The following GFRA2 variants were observed in gnomAD, a reference collection of about 807,000 sequenced individuals.
The protein encoded by GFRA2 is GDNF family receptor alpha-2.
In GFRA2, 17 loss-of-function variants were observed where a neutral mutation model predicts 48.3. The observed-to-expected ratio is 0.35, with a 90% CI of 0.24 to 0.53. The LOEUF is 0.53. Among genes scored for constraint, GFRA2 ranks in the 20% least tolerant of loss-of-function variants. GFRA2 has a pLI of 0.93. For synonymous variants in GFRA2, 305 were observed against 257.2 expected, an observed-to-expected ratio of 1.19 and a Z score of -1.78; for missense variants, 660 against 637.3, an observed-to-expected ratio of 1.04 and a Z score of -0.38.
intron 2 of GFRA2, among the ~76,000 whole-genome samples, chr8:21,777,158 G>C (rs902496613): frequency 3.9e-5 from 6 of 152,302 alleles, no homozygotes; most frequent in Admixed American, 3.3e-4. Context: ...GCTAACAAGC[G>C]ACAGAGCCAG....
At position 21,693,194 on chromosome 8, in the gene GFRA2, T is replaced by C. The variant is rs1019053253; in HGVS notation, c.*84A>G. On this transcript the variant is annotated 3_prime_UTR_variant, in exon 9 of 9. Coordinates refer to ENST00000524240, the MANE Select transcript of GFRA2 (RefSeq NM_001495.5). ...CAATTTTTTTTTTGCAAGGTGTGTG[T>C]GTGTCTGTGTGTGTTTCCATTTCGT... 1.5e-6 allele frequency: 2 copies of C among 1,378,146 alleles called. No individual in the cohort carries two copies. The highest frequency in any genetic ancestry group is 2.9e-5 in the African/African-American group (2 of 68,680). 85.4% of individuals were successfully genotyped at this position (1,378,146 alleles called of 1,614,324 possible).
At chr8:21,773,068 T>C (rs1806513863) in intron 3 of GFRA2, among the ~76,000 whole-genome samples, 1 of 152,240 alleles carries the variant, frequency 6.6e-6, no homozygotes, top group Non-Finnish European at 1.5e-5. Context: ...AACCTGCTTC[T>C]GAGCCCCAGA....
rs957816369 is a variant in GFRA2, at chr8:21,693,045, T to C, written c.*233A>G. 4 of 368,798 alleles carry C rather than the reference T, an allele frequency of 1.1e-5. No homozygotes were observed. Among genetic ancestry groups the C allele is most frequent in the Non-Finnish European group, 2.0e-5 (4 of 204,224 alleles). The allele number at this position is 368,798 out of a possible 1,614,324, so 22.8% of individuals were successfully genotyped here. A position where few individuals can be genotyped will look rare whatever the true frequency, so the allele number is the denominator to read the frequency against. ...TCGTGCCCTCCCCGGCACCAGAGTT[T>C]CCCCTGCCAGGGGACCCCTGGGCCA... On this transcript the variant is annotated 3_prime_UTR_variant, in exon 9 of 9. Transcript: ENST00000524240.
At chr8:21,803,106 C>G (rs1807800235) in intron 2 of GFRA2, among the ~76,000 whole-genome samples, 1 of 152,220 alleles carries the variant, frequency 6.6e-6, no homozygotes, top group African/African-American at 2.4e-5. Flanking sequence ...ATTCCTCATG[C>G]AACATGTTCA....
At chr8:21,754,117 G>A (rs1448080985) in intron 3 of GFRA2, among the ~76,000 whole-genome samples, 4 of 152,126 alleles carry the variant, frequency 2.6e-5, no homozygotes, top group East Asian at 1.9e-4. Context: ...CCCCTACTCC[G>A]ACCTATTTTT....
At chr8:21,774,913 T>C (rs1806620657) in intron 3 of GFRA2, 59 bp downstream of exon 3, 2 of 924,528 alleles carry the variant, frequency 2.2e-6, no homozygotes, top group Admixed American at 3.5e-5. Flanking sequence ...CAGAGCTCCA[T>C]CTGCCATGCC....
chr8:21,739,882 A>T (rs1478034447), intron 4 of GFRA2, among the ~76,000 whole-genome samples: 3 of 152,192 alleles, frequency 2.0e-5, no homozygotes, highest in African/African-American at 7.2e-5. Flanking sequence ...GGGCTGGGCC[A>T]TCAAGGTTGC....
chr8:21,710,056 C>T (rs937334988), intron 4 of GFRA2, among the ~76,000 whole-genome samples: 7 of 152,160 alleles, frequency 4.6e-5, no homozygotes, highest in African/African-American at 1.7e-4. Context: ...AGAGGGACTC[C>T]TCAGGGAAGA....
intron 4 of GFRA2, among the ~76,000 whole-genome samples, chr8:21,733,608 G>A (rs972937076): frequency 1.3e-5 from 2 of 152,192 alleles, no homozygotes; most frequent in African/African-American, 4.8e-5. Flanking sequence ...ACCCGTGGCT[G>A]AGCCCGGGCC....
intron 3 of GFRA2, among the ~76,000 whole-genome samples, chr8:21,761,485 C>T (rs1448444358): frequency 1.3e-5 from 2 of 152,190 alleles, no homozygotes; most frequent in African/African-American, 2.4e-5. Context: ...AGCAAGTGTG[C>T]ACAGGTTATG....
chr8:21,775,989 C>CTGTGTGTGTGTGTGTGTGTG (rs200687629), intron 2 of GFRA2, among the ~76,000 whole-genome samples: 3 of 126,400 alleles, frequency 2.4e-5, no homozygotes, highest in Non-Finnish European at 3.3e-5. Context: ...CACTCATCCT[C>CTGTGTGTGTGTGTGTGTGTG]TGTGTGTGTG....
chr8:21,764,600 A>G (rs1585315402), intron 3 of GFRA2, among the ~76,000 whole-genome samples: 1 of 152,338 alleles, frequency 6.6e-6, no homozygotes, highest in Non-Finnish European at 1.5e-5. Context: ...TGTTAGAAGG[A>G]CCCAGCTCCA....
chr8:21,754,400 C>T lies in GFRA2; in HGVS notation c.440-3458G>A, dbSNP rs377103593. ...ACAGAGTAGGCAACAGTGATCAACA[C>T]AGGACCATGTGGGGCCTAGCCCAGA... On this transcript the variant is annotated intron_variant, in intron 3 of 8. Transcript: ENST00000524240. 1.4e-4 allele frequency among the ~76,000 whole-genome samples: 22 copies of T among 152,122 alleles called. 1 individual carries two copies. Among genetic ancestry groups the T allele is most frequent in the South Asian group, 1.0e-3 (5 of 4,818 alleles).
chr8:21,778,456 G>A (rs1806817529), intron 2 of GFRA2, among the ~76,000 whole-genome samples: 1 of 152,202 alleles, frequency 6.6e-6, no homozygotes, highest in African/African-American at 2.4e-5. Flanking sequence ...TTTCTAGGCA[G>A]GGCCCAGAGG....
intron 3 of GFRA2, among the ~76,000 whole-genome samples, chr8:21,753,618 CA>C (rs202212987): frequency 7.2e-6 from 1 of 139,308 alleles, no homozygotes; most frequent in Non-Finnish European, 1.6e-5. Flanking sequence ...GACTCTGTCT[CA>C]AAAAAAAAGA....
chr8:21,695,493 C>T (rs1802116931), intron 7 of GFRA2, among the ~76,000 whole-genome samples: 1 of 152,150 alleles, frequency 6.6e-6, no homozygotes, highest in African/African-American at 2.4e-5. Context: ...TAAACAAGAC[C>T]CCAGCTGTCA....
intron 3 of GFRA2, among the ~76,000 whole-genome samples, chr8:21,774,768 G>A (rs1222298468): frequency 3.3e-5 from 5 of 152,114 alleles, no homozygotes; most frequent in African/African-American, 9.7e-5. Context: ...TTCCACCAAC[G>A]CCTTGCTCCA....
intron 4 of GFRA2, among the ~76,000 whole-genome samples, chr8:21,747,416 T>G (rs935723606): frequency 6.6e-6 from 1 of 152,150 alleles, no homozygotes; most frequent in Non-Finnish European, 1.5e-5. Flanking sequence ...GTATGCATAG[T>G]TTCATCTTCA....
chr8:21,713,042 AG>A (rs1803145896), intron 4 of GFRA2, among the ~76,000 whole-genome samples: 3 of 131,124 alleles, frequency 2.3e-5, no homozygotes, highest in African/African-American at 3.6e-5. Context: ...GAGACGAGGG[AG>A]AGGGAGAGGG....
Sources: allele counts gnomAD v4.1 joint callset (sites outside exome capture counted in the v4.1 genomes callset), GRCh38; gene constraint gnomAD v4.1.1; transcripts MANE v1.5; gene names NCBI Gene and HGNC (gene_info 2026-07-23, HGNC 2026-07-21).